The following PPEF2 variants were observed in gnomAD, a reference collection of about 807,000 sequenced individuals.
PPEF2 encodes the protein protein phosphatase with EF-hand domain 2.
PPEF2 carries 84 observed loss-of-function variants against 84.7 expected under a neutral mutation model. The ratio of observed to expected loss-of-function variants is 0.99; its 90% CI spans 0.83 to 1.19. The LOEUF is 1.19. Ranked by LOEUF, PPEF2 falls within the 50% of genes most tolerant of loss-of-function variation. PPEF2 has a pLI of 0.00. For missense variants in PPEF2, 924 were observed against 937.5 expected (o/e 0.99, Z 0.19); for synonymous variants, 346 against 345.2 (o/e 1.00, Z -0.03).
Position 75,876,681 on chromosome 4 carries a change from C to T in PPEF2, c.934-8G>A, listed in dbSNP as rs1369104051. On this transcript the variant is annotated splice_polypyrimidine_tract_variant and splice_region_variant and intron_variant, in intron 10 of 16. Coordinates refer to ENST00000286719, the MANE Select transcript of PPEF2 (RefSeq NM_006239.3). ...CCTCATGGTGGAAACTATCTAAACA[C>T]GTCCAGAAAGAGATACAGATGCTGG... 4.6e-6 allele frequency: 7 copies of T among 1,526,388 alleles called. No homozygotes were observed. In the South Asian group the frequency reaches 5.2e-5, roughly 11 times the overall value. The allele number at this position is 1,526,388 out of a possible 1,614,324, so 94.6% of individuals were successfully genotyped here.
chr4:75,866,098 G>A lies in PPEF2; in HGVS notation c.1920+91C>T. 2.9e-6 allele frequency: 4 copies of A among 1,367,314 alleles called. No homozygotes were observed. The Admixed American group carries it at 7.1e-5, about 24-fold the overall frequency. 84.7% of individuals were successfully genotyped at this position (1,367,314 alleles called of 1,614,324 possible). On this transcript the variant is annotated intron_variant, in intron 15 of 16. Transcript: ENST00000286719. Reference sequence around the variant, plus strand: ...CTTTCTCACCCATCCAGCTTTTTGGGTTATTACTAGTTGGTTGTTTCTGAA... The same window carrying A: ...CTTTCTCACCCATCCAGCTTTTTGGATTATTACTAGTTGGTTGTTTCTGAA...
chr4:75,900,164 T>TG (rs1276376159), intron 1 of PPEF2, among the ~76,000 whole-genome samples: 1 of 152,238 alleles, frequency 6.6e-6, no homozygotes, highest in African/African-American at 2.4e-5. Flanking sequence ...CAATGCTGCA[T>TG]GAATCAGCAG....
rs1723963145 is a variant in PPEF2, at chr4:75,860,310, C to A, written c.*357G>T. On this transcript the variant is annotated 3_prime_UTR_variant, in exon 17 of 17. Coordinates refer to ENST00000286719, the MANE Select transcript of PPEF2 (RefSeq NM_006239.3). The stretch of plus-strand genomic sequence containing the variant: ...TGAGCCGAGATCGCGCCAATGCACT[C>A]CAGCCTGGGCAACAAGAGAGAAACT... 3 of 248,346 alleles carry A rather than the reference C, an allele frequency of 1.2e-5. No homozygotes were observed. In the East Asian group the frequency reaches 3.2e-4, roughly 26 times the overall value. 15.4% of individuals were successfully genotyped at this position (248,346 alleles called of 1,614,324 possible).
chr4:75,860,846 C>T lies in PPEF2; in HGVS notation c.2083G>A (p.Asp695Asn), dbSNP rs1228199965. The T allele has an allele frequency of 3.7e-6, 6 of 1,614,106 alleles. No individual in the cohort carries two copies. In the South Asian group the frequency reaches 5.5e-5, roughly 15 times the overall value. Residue 695 changes from aspartate (D) to asparagine (N), a missense_variant, in exon 17 of 17, where the codon GAC (aspartate) becomes AAC (asparagine). Asp to Asn is a conservative substitution (Grantham distance 23). Coordinates refer to ENST00000286719, the MANE Select transcript of PPEF2 (RefSeq NM_006239.3). ...SSHMNIDITD[D>N]CICDLARSID... ...CTCCGAGCAAGGTCACAGATGCAGT[C>T]ATCTGTAATGTCGATATTCATGTGA...
intron 5 of PPEF2, chr4:75,888,963 G>C (rs1003544658): frequency 6.5e-6 from 1 of 152,680 alleles, no homozygotes; most frequent in Admixed American, 6.5e-5. Context: ...TGTAATCCCA[G>C]CACTTTGGGA....
intron 1 of PPEF2, among the ~76,000 whole-genome samples, chr4:75,900,241 C>CT (rs369684606): frequency 0.024 from 3,710 of 152,202 alleles, 56 homozygotes; most frequent in African/African-American, 0.03. Flanking sequence ...CCTTAGGCAA[C>CT]TTTTTTTCTC....
chr4:75,894,607 A>G (rs906520740), intron 2 of PPEF2, among the ~76,000 whole-genome samples: 1 of 152,234 alleles, frequency 6.6e-6, no homozygotes, highest in Non-Finnish European at 1.5e-5. Context: ...GGGAATCTCA[A>G]CCAGACACAT....
intron 10 of PPEF2, among the ~76,000 whole-genome samples, chr4:75,880,302 G>A (rs1578008343): frequency 1.3e-5 from 2 of 152,238 alleles, no homozygotes; most frequent in South Asian, 4.1e-4. Flanking sequence ...ATCTTTTATA[G>A]TACAGATAAG....
chr4:75,868,433 G>A (rs766539080), intron 13 of PPEF2, among the ~76,000 whole-genome samples: 12 of 150,910 alleles, frequency 8.0e-5, no homozygotes, highest in Non-Finnish European at 1.5e-4. Flanking sequence ...ATCTTTTCCC[G>A]TGTTAAAAGT....
At chr4:75,874,729 G>C (rs903059890) in intron 11 of PPEF2, among the ~76,000 whole-genome samples, 3 of 152,148 alleles carry the variant, frequency 2.0e-5, no homozygotes, top group African/African-American at 7.2e-5. Flanking sequence ...TTCTAAATTG[G>C]TGTTGAAGCC....
chr4:75,895,471 G>A (rs1294972157), intron 2 of PPEF2, among the ~76,000 whole-genome samples: 1 of 145,684 alleles, frequency 6.9e-6, no homozygotes, highest in Admixed American at 6.9e-5. Context: ...GGTGGCTCAC[G>A]CCTGTAATCC....
At chr4:75,893,547 G>C (rs926942807) in intron 2 of PPEF2, among the ~76,000 whole-genome samples, 2 of 152,044 alleles carry the variant, frequency 1.3e-5, no homozygotes, top group East Asian at 3.9e-4. Flanking sequence ...AAGGTCCAGG[G>C]CTGGTGCTAC....
At chr4:75,874,923 A>G in intron 11 of PPEF2, among the ~76,000 whole-genome samples, 1 of 139,010 alleles carries the variant, frequency 7.2e-6, no homozygotes, top group African/African-American at 2.8e-5. Context: ...TTTTTTTGAG[A>G]CGGAGTCTCG....
rs61447349 is a variant in PPEF2, at chr4:75,868,156, C to CA, written c.1650-738dup. 6.1e-3 allele frequency among the ~76,000 whole-genome samples: 886 copies of CA among 145,486 alleles called. 11 individuals are homozygous for CA. Among genetic ancestry groups the CA allele is most frequent in the African/African-American group, 0.015 (608 of 39,536 alleles). ...AAAACCCCCCTCTCTACTCAAAGTA[C>CA]AAAAAAAAAATTAGCCAGGCGTGGT... On this transcript the variant is annotated intron_variant, in intron 13 of 16. Coordinates refer to ENST00000286719, the MANE Select transcript of PPEF2 (RefSeq NM_006239.3).
In PPEF2 at chr4:75,882,972, G is replaced by C; in HGVS notation, c.887C>G (p.Ser296Ter). ...CAAAAGCTCCAGATCAGTTATGTCTGACACCCCACCATGAAGAATTAGAAC... is the reference window on the plus strand; with the variant it reads ...CAAAAGCTCCAGATCAGTTATGTCTCACACCCCACCATGAAGAATTAGAAC... ...EKVLILHGGV[S>*]DITDLELLDK... Residue 296 changes from serine (S) to a stop codon, truncating the protein, a stop_gained, in exon 10 of 17, where the codon TCA becomes TGA. Coordinates refer to ENST00000286719, the MANE Select transcript of PPEF2 (RefSeq NM_006239.3). LOFTEE classifies it high-confidence loss of function. 2 of 1,614,152 alleles carry C rather than the reference G, an allele frequency of 1.2e-6. No individual in the cohort carries two copies. Among genetic ancestry groups the C allele is most frequent in the Non-Finnish European group, 1.7e-6 (2 of 1,180,014 alleles).
intron 2 of PPEF2, among the ~76,000 whole-genome samples, chr4:75,894,017 C>G (rs1020121157): frequency 6.6e-6 from 1 of 152,098 alleles, no homozygotes; most frequent in Non-Finnish European, 1.5e-5. Flanking sequence ...TGTATAGGCC[C>G]CTCTTACTTG....
In PPEF2 at chr4:75,877,014, GAAAGAAAGAA is replaced by G. The variant is rs113319821; in HGVS notation, c.934-351_934-342del. Reference sequence around the variant, plus strand: ...CAGAGGGAGACCCTGAAAAAAGAAAGAAAGAAAGAAAGAAAGAAAGAAAGAAAAGAAACAG... The same window carrying G: ...CAGAGGGAGACCCTGAAAAAAGAAAGAGAAAGAAAGAAAGAAAAGAAACAG... On this transcript the variant is annotated intron_variant, in intron 10 of 16. Transcript: ENST00000286719. Among the ~76,000 whole-genome samples the G allele has an allele frequency of 1.3e-4, 16 of 119,604 alleles. 1 individual carries two copies. The highest frequency in any genetic ancestry group is 1.1e-3 in the African/African-American group (16 of 14,298). The allele number at this position is 119,604 out of a possible 152,430, so 78.5% of individuals were successfully genotyped here. A position where few individuals can be genotyped will look rare whatever the true frequency, so the allele number is the denominator to read the frequency against.
chr4:75,898,302 G>A (rs568852007), intron 1 of PPEF2, among the ~76,000 whole-genome samples: 176 of 152,314 alleles, frequency 1.2e-3, no homozygotes, highest in African/African-American at 4.0e-3. Context: ...GCCAGTTTAC[G>A]GCCAGATTTT....
rs1220256127 is a variant in PPEF2 at position 75,871,961 on chromosome 4, C to A, written c.1649+64G>T. The A allele has an allele frequency of 6.8e-6, 10 of 1,463,916 alleles. No homozygotes were observed. The East Asian group carries it at 1.8e-4, about 27-fold the overall frequency. The allele number at this position is 1,463,916 out of a possible 1,614,324, so 90.7% of individuals were successfully genotyped here. A position where few individuals can be genotyped will look rare whatever the true frequency, so the allele number is the denominator to read the frequency against. On this transcript the variant is annotated intron_variant, in intron 13 of 16. Transcript: ENST00000286719. ...TGAATAAATATAACGTTTGACACTT[C>A]ATTCAAAGATTCTATGAACACTATA...
Sources: allele counts gnomAD v4.1 joint callset (sites outside exome capture counted in the v4.1 genomes callset), GRCh38; gene constraint gnomAD v4.1.1; transcripts MANE v1.5; gene names NCBI Gene and HGNC (gene_info 2026-07-23, HGNC 2026-07-21).